Variants in PCF11 observed in about 807,000 individuals in gnomAD.
PCF11 encodes pre-mRNA cleavage complex 2 protein Pcf11.
In PCF11, 19 loss-of-function variants were observed where a neutral mutation model predicts 166.1. That is an observed-to-expected ratio of 0.11 (90% CI 0.08 to 0.17). PCF11 has a LOEUF of 0.17. PCF11 is among the 10% of genes least tolerant of loss of function. PCF11 has a pLI of 1.00. For synonymous variants in PCF11, 663 were observed against 644.1 expected (o/e 1.03, Z -0.44); for missense variants, 1,565 against 1,855.5 (o/e 0.84, Z 2.88).
At chr11:83,179,089 A>C (rs1368357555) in intron 11 of PCF11, among the ~76,000 whole-genome samples, 3 of 151,864 alleles carry the variant, frequency 2.0e-5, no homozygotes, top group Non-Finnish European at 4.4e-5. Flanking sequence ...AATTTGAATT[A>C]GATACTATAA....
At chr11:83,185,788 G>A (rs1235938337) in exon 16 of PCF11, 1 of 152,486 alleles carries the variant, frequency 6.6e-6, no homozygotes, top group African/African-American at 2.4e-5. Flanking sequence ...ATAGAATGAT[G>A]AAGAAACTTT....
exon 1 of PCF11, chr11:83,157,357 G>A (rs868217277): frequency 1.6e-6 from 2 of 1,264,898 alleles, no homozygotes; most frequent in Non-Finnish European, 2.2e-6. Context: ...CCGGGGAGAG[G>A]AAGAGGAGTC....
At chr11:83,169,507 C>G in exon 8 of PCF11, 2 of 1,613,840 alleles carry the variant, frequency 1.2e-6, no homozygotes, top group Non-Finnish European at 1.7e-6. Flanking sequence ...ATTACATGGT[C>G]AGCCAGGTCC....
chr11:83,166,521 A>G, exon 5 of PCF11: 2 of 1,613,948 alleles, frequency 1.2e-6, no homozygotes, highest in Non-Finnish European at 1.7e-6. Context: ...TAGGGAAGAC[A>G]GAAATGCTAA....
Position 83,167,358 on chromosome 11 carries a change from T to G in PCF11, c.2001+50T>G. ...TAGTCATCATTATCTATCGTCTATT[T>G]TTTTGGTATTTTTTTATATTTAAAA... On this transcript the variant is annotated intron_variant, in intron 6 of 15. Transcript: ENST00000298281. This position sits in a 1 kb window ranked among gnomAD's most constrained non-coding sequence, Gnocchi z 4.2. 1 of 1,524,436 alleles carries G rather than the reference T, an allele frequency of 6.6e-7. No homozygotes were observed. Among genetic ancestry groups the G allele is most frequent in the Non-Finnish European group, 8.8e-7 (1 of 1,137,224 alleles). The allele number at this position is 1,524,436 out of a possible 1,614,324, so 94.4% of individuals were successfully genotyped here.
intron 15 of PCF11, among the ~76,000 whole-genome samples, chr11:83,183,528 T>C (rs1325100647): frequency 6.6e-6 from 1 of 152,154 alleles, no homozygotes; most frequent in African/African-American, 2.4e-5. Context: ...TTCGCTCTTG[T>C]TGCCCAGGCT....
chr11:83,172,906 T>C (rs1417945101), intron 9 of PCF11, among the ~76,000 whole-genome samples: 1 of 152,222 alleles, frequency 6.6e-6, no homozygotes, highest in Non-Finnish European at 1.5e-5. Flanking sequence ...AGCCAAGCTC[T>C]TTTTTATACA....
intron 9 of PCF11, among the ~76,000 whole-genome samples, chr11:83,175,854 A>G (rs1363476387): frequency 1.3e-5 from 2 of 152,264 alleles, no homozygotes; most frequent in East Asian, 3.8e-4. Context: ...TTCCTTATCA[A>G]GCAGAACAAG....
intron 10 of PCF11, 96 bp downstream of exon 10, chr11:83,177,300 T>C: frequency 1.1e-6 from 1 of 934,608 alleles, no homozygotes; most frequent in Non-Finnish European, 1.5e-6. Flanking sequence ...TAAAGGTCCT[T>C]ACAATAATTG....
exon 3 of PCF11, chr11:83,163,840 T>C: frequency 1.9e-6 from 3 of 1,540,548 alleles, no homozygotes; most frequent in Non-Finnish European, 2.6e-6. Context: ...CTAGCATCCA[T>C]GTGAATCCTA....
chr11:83,159,357 C>T (rs1055605760), intron 1 of PCF11, among the ~76,000 whole-genome samples: 6 of 152,124 alleles, frequency 3.9e-5, no homozygotes, highest in African/African-American at 1.4e-4. Flanking sequence ...GTTTTTAAGG[C>T]AAAAACATTG....
intron 10 of PCF11, 146 bp downstream of exon 10, chr11:83,177,350 TAA>T: frequency 1.5e-6 from 1 of 655,704 alleles, no homozygotes; most frequent in African/African-American, 1.9e-5. Context: ...TTTCGGTTTA[TAA>T]TGAAATTCTT....
intron 1 of PCF11, among the ~76,000 whole-genome samples, chr11:83,160,478 G>C (rs1253113536): frequency 6.6e-6 from 1 of 151,868 alleles, no homozygotes; most frequent in African/African-American, 2.4e-5. Context: ...CCTTCTAAAA[G>C]CCAGTGGTGG....
intron 5 of PCF11, 110 bp downstream of exon 5, chr11:83,166,824 A>G: frequency 1.1e-6 from 1 of 921,686 alleles, no homozygotes; most frequent in Non-Finnish European, 1.7e-6. Context: ...CTTTTTTTCC[A>G]TCTAATTCTT....
chr11:83,178,952 C>T (rs2135442990), intron 11 of PCF11, among the ~76,000 whole-genome samples: 1 of 152,162 alleles, frequency 6.6e-6, no homozygotes, highest in East Asian at 1.9e-4. Context: ...CATATCTTTT[C>T]ATAATTTTCT....
exon 16 of PCF11, chr11:83,185,091 G>T (rs1439406138): frequency 2.5e-5 from 12 of 475,992 alleles, no homozygotes. Context: ...GGTGCTTGTT[G>T]TGTGAAAGTT....
At chr11:83,175,919 C>G (rs1489806554) in intron 9 of PCF11, among the ~76,000 whole-genome samples, 1 of 152,196 alleles carries the variant, frequency 6.6e-6, no homozygotes, top group Non-Finnish European at 1.5e-5. Context: ...AACCATGACA[C>G]CTTTTCAGCA....
intron 9 of PCF11, among the ~76,000 whole-genome samples, chr11:83,174,108 C>T (rs1860793670): frequency 1.3e-5 from 2 of 152,134 alleles, no homozygotes; most frequent in South Asian, 4.1e-4. Context: ...CATAATTATT[C>T]CCCTTGTTAG....
At chr11:83,173,345 C>T (rs1422996689) in intron 9 of PCF11, among the ~76,000 whole-genome samples, 1 of 152,112 alleles carries the variant, frequency 6.6e-6, no homozygotes, top group Non-Finnish European at 1.5e-5. Context: ...GTCCCAGCTA[C>T]TCAGGAGACT....
Sources: gnomAD v4.1 joint callset for allele counts (sites outside exome capture counted in the v4.1 genomes callset) on GRCh38, gnomAD v4.1.1 for gene constraint, Gnocchi (gnomAD v3.1) non-coding constraint, MANE v1.5 for transcripts, NCBI Gene and HGNC (gene_info 2026-07-23, HGNC 2026-07-21) for gene names.